The following RHOJ variants were observed in gnomAD, a reference collection of about 807,000 sequenced individuals.
RHOJ encodes ras homolog family member J, also known as rho-related GTP-binding protein RhoJ.
Under a neutral mutation model 23.4 loss-of-function variants are expected in RHOJ, and 11 were observed. That is an observed-to-expected ratio of 0.47 (90% CI 0.30 to 0.78). The LOEUF is 0.78. RHOJ is among the 30% of genes least tolerant of loss of function. The pLI is 0.08. For missense variants in RHOJ, 254 were observed against 273.4 expected, an observed-to-expected ratio of 0.93 and a Z score of 0.50; for synonymous variants, 102 against 102.7, an observed-to-expected ratio of 0.99 and a Z score of 0.04.
At chr14:63,216,096 T>C (rs1894350001) in intron 1 of RHOJ, among the ~76,000 whole-genome samples, 1 of 152,182 alleles carries the variant, frequency 6.6e-6, no homozygotes. Context: ...TATTTAAAAC[T>C]TGTAAAAAAA....
At chr14:63,208,164 C>T (rs543069267) in intron 1 of RHOJ, among the ~76,000 whole-genome samples, 12 of 152,198 alleles carry the variant, frequency 7.9e-5, no homozygotes, top group South Asian at 4.1e-4. Flanking sequence ...GTAAAAACTA[C>T]GCAAAATTAT....
intron 1 of RHOJ, among the ~76,000 whole-genome samples, chr14:63,258,524 A>G (rs893765654): frequency 1.3e-5 from 2 of 152,160 alleles, no homozygotes; most frequent in African/African-American, 2.4e-5. Flanking sequence ...ATAAAAGTTT[A>G]TCATCATTCC....
At chr14:63,273,953 G>C (rs1039196106) in intron 2 of RHOJ, among the ~76,000 whole-genome samples, 1 of 152,226 alleles carries the variant, frequency 6.6e-6, no homozygotes, top group Non-Finnish European at 1.5e-5. Flanking sequence ...CAGCTCAGCT[G>C]TCACCAGTGT....
At chr14:63,231,621 G>T (rs1032599127) in intron 1 of RHOJ, among the ~76,000 whole-genome samples, 1 of 152,200 alleles carries the variant, frequency 6.6e-6, no homozygotes, top group Admixed American at 6.5e-5. Context: ...GTGGTGACTT[G>T]ATTTTAGACA....
At chr14:63,264,053 T>C (rs1319286160) in intron 1 of RHOJ, among the ~76,000 whole-genome samples, 1 of 152,062 alleles carries the variant, frequency 6.6e-6, no homozygotes, top group Non-Finnish European at 1.5e-5. Flanking sequence ...TCCATGGGTA[T>C]CGTGAATGAC....
chr14:63,220,685 G>C (rs1489545013), intron 1 of RHOJ, among the ~76,000 whole-genome samples: 2 of 152,032 alleles, frequency 1.3e-5, no homozygotes, highest in Non-Finnish European at 1.5e-5. Context: ...CATCAGAGTA[G>C]GCATCATAAA....
intron 1 of RHOJ, among the ~76,000 whole-genome samples, chr14:63,249,243 C>T (rs1331846643): frequency 6.6e-6 from 1 of 152,196 alleles, no homozygotes; most frequent in Non-Finnish European, 1.5e-5. Flanking sequence ...ATAATGGGAA[C>T]TCACCAACCC....
intron 3 of RHOJ, among the ~76,000 whole-genome samples, chr14:63,281,858 G>A (rs749147109): frequency 6.6e-6 from 1 of 152,158 alleles, no homozygotes; most frequent in Non-Finnish European, 1.5e-5. Context: ...CTATCCCAAA[G>A]ACATAGGAAT....
chr14:63,286,564 T>C lies in RHOJ; in HGVS notation c.498+3348T>C, dbSNP rs111953390. Among the ~76,000 whole-genome samples, 342 of 152,346 alleles carry C rather than the reference T, an allele frequency of 2.2e-3. 7 individuals are homozygous for C. The East Asian group carries it at 0.045, about 20-fold the overall frequency. ...CAAAGTTCACCCACAAATGTTTTCA[T>C]TAGTCCAAACACATATTTTTATTGC... On this transcript the variant is annotated intron_variant, in intron 4 of 4. Coordinates refer to ENST00000316754, the MANE Select transcript of RHOJ (RefSeq NM_020663.5).
intron 2 of RHOJ, among the ~76,000 whole-genome samples, chr14:63,280,083 G>A (rs1054250063): frequency 7.2e-5 from 11 of 152,120 alleles, no homozygotes; most frequent in Non-Finnish European, 1.5e-4. Flanking sequence ...GAGTACAGTG[G>A]CATGATCACG....
At chr14:63,232,720 A>G (rs140263801) in intron 1 of RHOJ, among the ~76,000 whole-genome samples, 13,455 of 133,440 alleles carry the variant, frequency 0.1, 769 homozygotes, top group East Asian at 0.17. Context: ...TTTTTGAGAC[A>G]GGGTCTCACT....
chr14:63,228,531 G>C (rs1272211146), intron 1 of RHOJ, among the ~76,000 whole-genome samples: 3 of 151,846 alleles, frequency 2.0e-5, no homozygotes, highest in Non-Finnish European at 1.5e-5. Flanking sequence ...ATGAGGAAGC[G>C]CTTAAAGAAT....
chr14:63,290,615 A>T (rs1289782326), intron 4 of RHOJ, among the ~76,000 whole-genome samples: 2 of 151,342 alleles, frequency 1.3e-5, no homozygotes, highest in African/African-American at 4.9e-5. Flanking sequence ...CAATTTTAGG[A>T]TTTACTGCTT....
intron 1 of RHOJ, among the ~76,000 whole-genome samples, chr14:63,253,972 A>G (rs909796515): frequency 3.9e-5 from 6 of 152,150 alleles, no homozygotes; most frequent in African/African-American, 1.4e-4. Context: ...GAGTCACTGC[A>G]GCTCTAGAAC....
intron 1 of RHOJ, among the ~76,000 whole-genome samples, chr14:63,222,887 T>C (rs1158282867): frequency 3.3e-5 from 5 of 152,250 alleles, no homozygotes. Flanking sequence ...GTTTTAGACA[T>C]GAAGTCCTTG....
At chr14:63,261,063 C>G (rs1895263418) in intron 1 of RHOJ, among the ~76,000 whole-genome samples, 1 of 152,214 alleles carries the variant, frequency 6.6e-6, no homozygotes, top group Non-Finnish European at 1.5e-5. Context: ...TTTTCTCCAG[C>G]AGTGTGAAGT....
chr14:63,242,230 A>G (rs1894895278), intron 1 of RHOJ, among the ~76,000 whole-genome samples: 1 of 152,194 alleles, frequency 6.6e-6, no homozygotes, highest in African/African-American at 2.4e-5. Context: ...TACATGCAGT[A>G]TTTTTGTATA....
chr14:63,220,193 T>C (rs931450373), intron 1 of RHOJ, among the ~76,000 whole-genome samples: 1 of 152,058 alleles, frequency 6.6e-6, no homozygotes, highest in African/African-American at 2.4e-5. Flanking sequence ...TAAAATTAAG[T>C]AATATTTTTC....
chr14:63,283,646 G>A (rs1318040268), intron 4 of RHOJ, among the ~76,000 whole-genome samples: 2 of 152,086 alleles, frequency 1.3e-5, no homozygotes, highest in Non-Finnish European at 2.9e-5. Flanking sequence ...ATCTGGCAGG[G>A]TTATATTTGT....
Sources: gnomAD v4.1 joint callset for allele counts (sites outside exome capture counted in the v4.1 genomes callset) on GRCh38, gnomAD v4.1.1 for gene constraint, MANE v1.5 for transcripts, NCBI Gene and HGNC (gene_info 2026-07-23, HGNC 2026-07-21) for gene names.